Variants in ZBTB7A observed in about 807,000 individuals in gnomAD.
The protein encoded by ZBTB7A is zinc finger and BTB domain containing 7A, also known as zinc finger and BTB domain-containing protein 7A.
ZBTB7A carries 7 observed loss-of-function variants against 26.7 expected under a neutral mutation model. The ratio of observed to expected loss-of-function variants is 0.26; its 90% CI spans 0.15 to 0.49. The LOEUF (loss-of-function observed/expected upper bound fraction) is 0.49, where lower values mean the gene tolerates loss of function less well. Among genes scored for constraint, ZBTB7A ranks in the 20% least tolerant of loss-of-function variants. The pLI, the probability that ZBTB7A is intolerant of heterozygous loss-of-function variation, is 0.98. For synonymous variants in ZBTB7A, 452 were observed against 441.0 expected (o/e 1.02, Z -0.31); for missense variants, 617 against 919.5 (o/e 0.67, Z 4.25).
chr19:4,055,206 G>A lies in ZBTB7A; in HGVS notation c.27C>T (p.Ile9=), dbSNP rs763595294. 11 of 1,557,672 alleles carry A rather than the reference G, an allele frequency of 7.1e-6. No homozygotes were observed. In the African/African-American group the frequency reaches 1.1e-4, roughly 15 times the overall value. ...TGCTGTGGTCGGGGAACGGGATCCC[G>A]ATGGGGCCGTCCACGCCGCCGGCCA... MAGGVDGP[I]GIPFPDHSSD... The change falls in exon 2 of 3, where the codon ATC becomes ATT. Residue 9 remains isoleucine, a synonymous_variant. Coordinates refer to ENST00000322357, the MANE Select transcript of ZBTB7A (RefSeq NM_015898.4).
chr19:4,053,854 T>C (rs2040535703), intron 2 of ZBTB7A, 117 bp downstream of exon 2: 1 of 1,199,620 alleles, frequency 8.3e-7, no homozygotes, highest in South Asian at 1.5e-5. Flanking sequence ...CGTGCGTGTA[T>C]GTGTGCGTCT....
intron 1 of ZBTB7A, chr19:4,061,470 T>A (rs1288656189): frequency 6.6e-6 from 1 of 151,872 alleles, no homozygotes; most frequent in African/African-American, 2.4e-5. Context: ...GTCCTCGGCC[T>A]GGGTTTAATG....
chr19:4,064,324 T>G (rs2040668730), intron 1 of ZBTB7A, among the ~76,000 whole-genome samples: 1 of 152,230 alleles, frequency 6.6e-6, no homozygotes, highest in African/African-American at 2.4e-5. Context: ...GGCCGGCTCC[T>G]GCCCCCCCTT....
chr19:4,065,107 C>T (rs1413304907), intron 1 of ZBTB7A, among the ~76,000 whole-genome samples: 5 of 151,612 alleles, frequency 3.3e-5, no homozygotes, highest in African/African-American at 7.3e-5. Context: ...CCCACCAGCT[C>T]CCCCCTCCCC....
At chr19:4,049,166 G>GTGTGTGTGTGTA (rs1599249273) in intron 2 of ZBTB7A, among the ~76,000 whole-genome samples, 3 of 13,476 alleles carry the variant, frequency 2.2e-4, no homozygotes, top group African/African-American at 4.2e-4. Context: ...GTGTGTGTGT[G>GTGTGTGTGTGTA]TGTATATATA....
At chr19:4,051,032 A>G (rs2040499016) in intron 2 of ZBTB7A, among the ~76,000 whole-genome samples, 2 of 121,362 alleles carry the variant, frequency 1.6e-5, no homozygotes, top group African/African-American at 3.2e-5. Context: ...TGGGAGGTGG[A>G]GGTTGCAGTG....
chr19:4,062,609 C>T (rs1384293827), intron 1 of ZBTB7A: 2 of 152,310 alleles, frequency 1.3e-5, no homozygotes, highest in Non-Finnish European at 2.9e-5. Flanking sequence ...CCTTCCATCC[C>T]CTTTCCTGGC....
chr19:4,043,856 CCA>C lies in ZBTB7A; in HGVS notation c.*3894_*3895del, dbSNP rs1169454455. On this transcript the variant is annotated 3_prime_UTR_variant, in exon 3 of 3. Transcript: ENST00000322357. ...CCAGCCACCCACCACCCCCCCCCCC[CCA>C]CCTCCAGGAAGGCTGCTTCAACTTA... 8.5e-4 allele frequency among the ~76,000 whole-genome samples: 123 copies of C among 144,948 alleles called. No homozygotes were observed. The highest frequency in any genetic ancestry group is 1.4e-3 in the Non-Finnish European group (89 of 64,220).
In ZBTB7A at chr19:4,063,241, C is replaced by A. The variant is rs541890951; in HGVS notation, c.-16+3441G>T. Among the ~76,000 whole-genome samples, 3 of 152,308 alleles carry A rather than the reference C, an allele frequency of 2.0e-5. No homozygotes were observed. The East Asian group carries it at 5.8e-4, about 29-fold the overall frequency. On this transcript the variant is annotated intron_variant, in intron 1 of 2. Transcript: ENST00000322357. Reference sequence around the variant, plus strand: ...GCAGCAGCTGGGGGACCCTCCACAGCCCCAGGAACACAGCGCGCCCCGGCT... The same window carrying A: ...GCAGCAGCTGGGGGACCCTCCACAGACCCAGGAACACAGCGCGCCCCGGCT...
rs868714425 is a variant in ZBTB7A, at chr19:4,047,757, C to T, written c.1750G>A (p.Ala584Thr). Reference protein sequence around the residue: ...ATDGNFTAGLA With the variant: ...ATDGNFTAGLT The stretch of plus-strand genomic sequence containing the variant: ...CTGTTTTCTCTTTTTGGTTTTTAGG[C>T]GAGTCCGGCTGTGAAGTTACCGTCG... The change falls in exon 3 of 3, where the codon GCC becomes ACC. Residue 584 changes from alanine to threonine, a missense_variant. Coordinates refer to ENST00000322357, the MANE Select transcript of ZBTB7A (RefSeq NM_015898.4). 6.3e-7 allele frequency: 1 copy of T among 1,595,322 alleles called. No individual in the cohort carries two copies. The highest frequency in any genetic ancestry group is 8.5e-7 in the Non-Finnish European group (1 of 1,171,846).
In ZBTB7A at chr19:4,055,116, C is replaced by G; in HGVS notation, c.117G>C (p.Leu39=). ...GCGTGGGGAACTCGCGGCCCTCCAC[C>G]AGGATCACCACGTCGCACAGCAGGC... The part of the protein sequence containing the change: ...TQGLLCDVVI[L]VEGREFPTHR... Residue 39 remains leucine (L), a synonymous_variant, in exon 2 of 3, where the codon CTG becomes CTC. Coordinates refer to ENST00000322357, the MANE Select transcript of ZBTB7A (RefSeq NM_015898.4). 6.2e-7 allele frequency: 1 copy of G among 1,609,660 alleles called. No individual in the cohort carries two copies. Among genetic ancestry groups the G allele is most frequent in the Non-Finnish European group, 8.5e-7 (1 of 1,179,714 alleles).
chr19:4,055,361 C>G (rs1167467978), intron 1 of ZBTB7A, 114 bp from the exon 2 acceptor site: 6 of 1,401,354 alleles, frequency 4.3e-6, no homozygotes, highest in Non-Finnish European at 5.5e-6. Flanking sequence ...CTCCCCCAGC[C>G]TCACATTCCC....
At chr19:4,057,715 G>C (rs2040595033) in intron 1 of ZBTB7A, among the ~76,000 whole-genome samples, 1 of 151,242 alleles carries the variant, frequency 6.6e-6, no homozygotes, top group South Asian at 2.1e-4. Context: ...AGGAGGTGGA[G>C]GCTGCAGTGA....
Position 4,045,645 on chromosome 19 carries a change from C to T in ZBTB7A, c.*2107G>A, listed in dbSNP as rs1305461802. ...GGGGGTCGGGGGCAGGGAGACACCCCCCCGCCGGTTGGGCATTGACAAGAA... is the reference window on the plus strand; with the variant it reads ...GGGGGTCGGGGGCAGGGAGACACCCTCCCGCCGGTTGGGCATTGACAAGAA... On this transcript the variant is annotated 3_prime_UTR_variant, in exon 3 of 3. Transcript: ENST00000322357. This position sits in a 1 kb window ranked among gnomAD's most constrained non-coding sequence, Gnocchi z 4.1. 2.8e-6 allele frequency: 1 copy of T among 363,342 alleles called. No homozygotes were observed. Among genetic ancestry groups the T allele is most frequent in the African/African-American group, 2.1e-5 (1 of 47,700 alleles). 22.5% of individuals were successfully genotyped at this position (363,342 alleles called of 1,614,324 possible).
At chr19:4,062,356 G>T (rs1341754668) in intron 1 of ZBTB7A, 1 of 152,244 alleles carries the variant, frequency 6.6e-6, no homozygotes, top group African/African-American at 2.4e-5. Flanking sequence ...CGGGGCCCAA[G>T]GGCCAGAGCC....
chr19:4,053,778 G>A lies in ZBTB7A; in HGVS notation c.1262+193C>T, dbSNP rs1348295107. Among the ~76,000 whole-genome samples, 8 of 151,136 alleles carry A rather than the reference G, an allele frequency of 5.3e-5. No individual in the cohort carries two copies. In the East Asian group the frequency reaches 1.6e-3, roughly 30 times the overall value. On this transcript the variant is annotated intron_variant, in intron 2 of 2. Coordinates refer to ENST00000322357, the MANE Select transcript of ZBTB7A (RefSeq NM_015898.4). ...TATATATGTGCAAGTGCGTGTATGT[G>A]TGTCTGCGTGTGTGTGGATGTGTAG...
intron 2 of ZBTB7A, among the ~76,000 whole-genome samples, chr19:4,053,528 CGTGCATGTGTATGTG>C (rs907095876): frequency 8.4e-5 from 12 of 143,302 alleles, no homozygotes; most frequent in African/African-American, 2.4e-4. Flanking sequence ...TGCGTGCGTG[CGTGCATGTGTATGTG>C]ATGTGTATGT....
At chr19:4,059,862 G>C (rs1287527306) in intron 1 of ZBTB7A, among the ~76,000 whole-genome samples, 1 of 152,164 alleles carries the variant, frequency 6.6e-6, no homozygotes, top group East Asian at 1.9e-4. Context: ...GAGCACCCCC[G>C]GCGGGGGCCA....
intron 2 of ZBTB7A, among the ~76,000 whole-genome samples, chr19:4,053,539 A>C (rs2040528837): frequency 7.9e-6 from 1 of 127,218 alleles, no homozygotes; most frequent in South Asian, 2.5e-4. Context: ...GTGCATGTGT[A>C]TGTGATGTGT....
Sources: gnomAD v4.1 joint callset for allele counts (sites outside exome capture counted in the v4.1 genomes callset) on GRCh38, gnomAD v4.1.1 for gene constraint, Gnocchi (gnomAD v3.1) non-coding constraint, MANE v1.5 for transcripts, NCBI Gene and HGNC (gene_info 2026-07-23, HGNC 2026-07-21) for gene names.